Variants in MTUS1 observed in about 807,000 individuals in gnomAD.
MTUS1 encodes microtubule-associated tumor suppressor 1.
A neutral mutation model predicts 120.8 loss-of-function variants in MTUS1; 109 were observed. That is an observed-to-expected ratio of 0.90 (90% CI 0.77 to 1.06). The LOEUF (loss-of-function observed/expected upper bound fraction) is 1.06, where lower values mean the gene tolerates loss of function less well. Among genes scored for constraint, MTUS1 ranks in the 50% least tolerant of loss-of-function variants. The probability of loss-of-function intolerance (pLI) is 0.00; values close to 1 mark genes in which losing one functional copy is unlikely to be tolerated. For synonymous variants in MTUS1, 737 were observed against 550.5 expected (o/e 1.34, Z -4.74); for missense variants, 2,210 against 1,486.3 (o/e 1.49, Z -8.01).
chr8:17,746,257 T>C (rs1208402047), intron 2 of MTUS1, among the ~76,000 whole-genome samples: 1 of 152,166 alleles, frequency 6.6e-6, no homozygotes, highest in Admixed American at 6.5e-5. Flanking sequence ...CACTGGTACA[T>C]CCAAATCCAC....
intron 2 of MTUS1, among the ~76,000 whole-genome samples, chr8:17,748,832 T>G (rs1184264657): frequency 1.3e-5 from 2 of 152,108 alleles, no homozygotes; most frequent in African/African-American, 2.4e-5. Flanking sequence ...AGGGTCTCTT[T>G]TTTCCCTACA....
chr8:17,720,473 T>G (rs2045750364), intron 4 of MTUS1, among the ~76,000 whole-genome samples: 1 of 152,238 alleles, frequency 6.6e-6, no homozygotes, highest in Non-Finnish European at 1.5e-5. Flanking sequence ...CTCCATTTCT[T>G]TTATTCAGTC....
intron 7 of MTUS1, among the ~76,000 whole-genome samples, chr8:17,679,360 T>A (rs12115150): frequency 4.7e-5 from 6 of 128,610 alleles, no homozygotes; most frequent in African/African-American, 2.4e-4. Flanking sequence ...CGCGCGCGTG[T>A]GTGTGTGTGT....
At chr8:17,651,875 C>G (rs1212747162) in intron 12 of MTUS1, 1 of 152,030 alleles carries the variant, frequency 6.6e-6, no homozygotes, top group Non-Finnish European at 1.5e-5. Context: ...AAAGTTTATA[C>G]CCTGCATATC....
chr8:17,786,708 G>A (rs1177721096), intron 1 of MTUS1, among the ~76,000 whole-genome samples: 1 of 152,166 alleles, frequency 6.6e-6, no homozygotes, highest in African/African-American at 2.4e-5. Context: ...TTCCGTAGTT[G>A]AGAGACTGGC....
At chr8:17,653,943 A>G (rs1326174376) in intron 10 of MTUS1, 1 of 158,382 alleles carries the variant, frequency 6.3e-6, no homozygotes, top group Non-Finnish European at 1.4e-5. Context: ...GGAGCCAGTC[A>G]CTTTTACACA....
At chr8:17,784,886 G>C (rs1487117432) in intron 1 of MTUS1, among the ~76,000 whole-genome samples, 8 of 152,010 alleles carry the variant, frequency 5.3e-5, no homozygotes, top group East Asian at 1.9e-4. Flanking sequence ...CCGGCTTCAA[G>C]TGATTCTCGG....
At chr8:17,772,747 G>C (rs756511339) in intron 1 of MTUS1, among the ~76,000 whole-genome samples, 12 of 152,132 alleles carry the variant, frequency 7.9e-5, no homozygotes, top group Non-Finnish European at 1.6e-4. Context: ...AAGCATTTCA[G>C]ATCATCACTT....
chr8:17,673,402 G>A (rs943455156), intron 8 of MTUS1, among the ~76,000 whole-genome samples: 1 of 152,144 alleles, frequency 6.6e-6, no homozygotes, highest in Non-Finnish European at 1.5e-5. Context: ...GAATCTGGAC[G>A]GTTAGTCAGG....
rs1554526125 is a variant in MTUS1, at chr8:17,756,671, A to ACCCCGCCC, written c.-154-711_-154-710insGGGCGGGG. On this transcript the variant is annotated intron_variant, in intron 1 of 14. Coordinates refer to ENST00000693296, the MANE Select transcript of MTUS1 (RefSeq NM_001363059.2). ...TCTCCAATTCATATGTCAAGCCCAA[A>ACCCCGCCC]CCCCCACCCCTTATGTAACTATGTT... Among the ~76,000 whole-genome samples, 9 of 117,538 alleles carry ACCCCGCCC rather than the reference A, an allele frequency of 7.7e-5. No individual in the cohort carries two copies. In the South Asian group the frequency reaches 2.0e-3, roughly 26 times the overall value. The allele number at this position is 117,538 out of a possible 152,430, so 77.1% of individuals were successfully genotyped here. A position where few individuals can be genotyped will look rare whatever the true frequency, so the allele number is the denominator to read the frequency against.
At chr8:17,769,346 ATTT>A (rs34688586) in intron 1 of MTUS1, among the ~76,000 whole-genome samples, 36 of 106,010 alleles carry the variant, frequency 3.4e-4, no homozygotes, top group African/African-American at 5.4e-4. Context: ...TTAGTCAGTA[ATTT>A]TTTTTTTTTT....
chr8:17,726,429 A>G (rs111517493), intron 3 of MTUS1, among the ~76,000 whole-genome samples: 1,579 of 152,298 alleles, frequency 0.01, 22 homozygotes, highest in African/African-American at 0.037. Context: ...GAGATCAGGA[A>G]GAGCACCTGA....
intron 1 of MTUS1, among the ~76,000 whole-genome samples, chr8:17,788,877 G>A (rs2051529357): frequency 6.6e-6 from 1 of 152,118 alleles, no homozygotes; most frequent in African/African-American, 2.4e-5. Flanking sequence ...GGATAGTACT[G>A]GGTCCAAAGT....
At chr8:17,758,417 A>C (rs1465826333) in intron 1 of MTUS1, among the ~76,000 whole-genome samples, 3 of 152,224 alleles carry the variant, frequency 2.0e-5, no homozygotes, top group Non-Finnish European at 4.4e-5. Flanking sequence ...TTATATACTG[A>C]TGGAAAGTGT....
rs1468764108 is a variant in MTUS1 at position 17,754,515 on chromosome 8, T to C, written c.1293A>G (p.Pro431=). 1.9e-6 allele frequency: 3 copies of C among 1,614,102 alleles called. No individual in the cohort carries two copies. The highest frequency in any genetic ancestry group is 2.7e-5 in the African/African-American group (2 of 74,948). Reference sequence around the variant, plus strand: ...AGGTTACTTTTGTGGGTTCTAGGACTGGTGTTGACATGCACATCGTTTTGT... The same window carrying C: ...AGGTTACTTTTGTGGGTTCTAGGACCGGTGTTGACATGCACATCGTTTTGT... ...STDKTMCMST[P]VLEPTKVTFS... Residue 431 remains proline (P), a synonymous_variant, in exon 2 of 15, where the codon CCA becomes CCG. Transcript: ENST00000693296.
At chr8:17,766,290 T>C (rs979156622) in intron 1 of MTUS1, among the ~76,000 whole-genome samples, 1 of 152,198 alleles carries the variant, frequency 6.6e-6, no homozygotes, top group African/African-American at 2.4e-5. Context: ...CCATCACATG[T>C]GAGTACACCC....
chr8:17,797,500 C>A (rs1466863191), intron 1 of MTUS1, among the ~76,000 whole-genome samples: 1 of 152,114 alleles, frequency 6.6e-6, no homozygotes, highest in Non-Finnish European at 1.5e-5. Context: ...CCATCCAAAA[C>A]CAGGTATAAA....
At chr8:17,756,089 G>A in intron 1 of MTUS1, 128 bp from the exon 2 acceptor site, 1 of 377,856 alleles carries the variant, frequency 2.6e-6, no homozygotes, top group Non-Finnish European at 4.5e-6. Context: ...AACTACTGAT[G>A]TGGGTAACTG....
Position 17,755,741 on chromosome 8 carries a change from C to T in MTUS1, c.67G>A (p.Asp23Asn). ...GGGTTGTATGCATGTGTATTTCCATCTTTATCACTGGTAAAGAAGGTTTGC... is the reference window on the plus strand; with the variant it reads ...GGGTTGTATGCATGTGTATTTCCATTTTTATCACTGGTAAAGAAGGTTTGC... ...ELQTFFTSDK[D>N]GNTHAYNPKS... The change falls in exon 2 of 15, where the codon GAT becomes AAT. Residue 23 changes from aspartate to asparagine, a missense_variant. Transcript: ENST00000693296. 1.2e-6 allele frequency: 2 copies of T among 1,614,080 alleles called. No individual in the cohort carries two copies. Among genetic ancestry groups the T allele is most frequent in the South Asian group, 2.2e-5 (2 of 91,070 alleles).
Sources: allele counts gnomAD v4.1 joint callset (sites outside exome capture counted in the v4.1 genomes callset), GRCh38; gene constraint gnomAD v4.1.1; transcripts MANE v1.5; gene names NCBI Gene and HGNC (gene_info 2026-07-23, HGNC 2026-07-21).